GABRB1: variants seen among roughly 807,000 people sequenced by gnomAD.
GABRB1 encodes gamma-aminobutyric acid receptor subunit beta-1.
GABRB1 carries 17 observed loss-of-function variants against 51.6 expected under a neutral mutation model. The observed-to-expected ratio is 0.33, with a 90% confidence interval of 0.23 to 0.49. The LOEUF is 0.49. Ranked by LOEUF, GABRB1 falls within the 20% of genes least tolerant of loss-of-function variation. The pLI is 0.99. For synonymous variants in GABRB1, 247 were observed against 218.9 expected (o/e 1.13, Z -1.14); for missense variants, 410 against 600.6 (o/e 0.68, Z 3.32).
intron 5 of GABRB1, among the ~76,000 whole-genome samples, chr4:47,383,156 A>C (rs1727652598): frequency 6.6e-6 from 1 of 152,238 alleles, no homozygotes; most frequent in Non-Finnish European, 1.5e-5. Context: ...TCTCAAAAGC[A>C]CATAGCCTCC....
At chr4:47,339,541 ATG>A (rs34390361) in intron 5 of GABRB1, among the ~76,000 whole-genome samples, 57,251 of 148,090 alleles carry the variant, frequency 0.39, 10,838 homozygotes, top group East Asian at 0.56. Flanking sequence ...ATGTGTGCAT[ATG>A]TGTGTGTGTG....
chr4:47,027,788 G>A (rs976175832), upstream of GABRB1, among the ~76,000 whole-genome samples: 6 of 151,586 alleles, frequency 4.0e-5, no homozygotes, highest in Non-Finnish European at 7.4e-5. Flanking sequence ...CAATAATGGT[G>A]TTGCTGCCTT....
intron 4 of GABRB1, among the ~76,000 whole-genome samples, chr4:47,264,764 C>T (rs932767064): frequency 6.6e-6 from 1 of 152,188 alleles, no homozygotes; most frequent in Non-Finnish European, 1.5e-5. Flanking sequence ...AGATACAGAA[C>T]TTTTCCATCA....
intron 3 of GABRB1, among the ~76,000 whole-genome samples, chr4:47,092,376 T>C (rs1240717152): frequency 6.6e-6 from 1 of 151,372 alleles, no homozygotes; most frequent in Non-Finnish European, 1.5e-5. Context: ...TTTCACCACA[T>C]TGGCCAGGCT....
intron 5 of GABRB1, among the ~76,000 whole-genome samples, chr4:47,376,579 G>A (rs1053147865): frequency 1.3e-5 from 2 of 152,128 alleles, no homozygotes; most frequent in East Asian, 1.9e-4. Flanking sequence ...CCCGGGAGGC[G>A]GAGCTTGCAG....
chr4:47,248,158 G>C (rs1721837041), intron 4 of GABRB1, among the ~76,000 whole-genome samples: 1 of 151,812 alleles, frequency 6.6e-6, no homozygotes, highest in African/African-American at 2.4e-5. Flanking sequence ...GGGTTTGTCA[G>C]GGATGGCTTT....
chr4:47,002,171 A>T (rs2109429901), intron 1 of GABRB1, among the ~76,000 whole-genome samples: 1 of 152,348 alleles, frequency 6.6e-6, no homozygotes, highest in South Asian at 2.1e-4. Flanking sequence ...CTAGAAAGAA[A>T]ACATTATATA....
chr4:47,318,595 T>C (rs182603039), intron 4 of GABRB1, among the ~76,000 whole-genome samples: 1 of 152,092 alleles, frequency 6.6e-6, no homozygotes. Context: ...TATCCTAGGA[T>C]GAGAGTTCAT....
intron 4 of GABRB1, among the ~76,000 whole-genome samples, chr4:47,252,101 C>G (rs1459733189): frequency 1.3e-5 from 2 of 149,754 alleles, no homozygotes; most frequent in East Asian, 2.0e-4. Context: ...CGCTGCCCCC[C>G]CTCCTACTCC....
chr4:47,311,882 TC>T (rs1180429737), intron 4 of GABRB1, among the ~76,000 whole-genome samples: 3 of 152,098 alleles, frequency 2.0e-5, no homozygotes, highest in African/African-American at 7.2e-5. Context: ...TCCAATGCCC[TC>T]CCCGAGATTG....
At chr4:47,217,375 A>G (rs964141014) in intron 4 of GABRB1, among the ~76,000 whole-genome samples, 4 of 151,898 alleles carry the variant, frequency 2.6e-5, no homozygotes, top group Non-Finnish European at 5.9e-5. Flanking sequence ...ATAGCAATAA[A>G]TAGTATTCAC....
At chr4:47,246,299 T>TATACAC (rs1329276891) in intron 4 of GABRB1, among the ~76,000 whole-genome samples, 3 of 84,170 alleles carry the variant, frequency 3.6e-5, no homozygotes, top group African/African-American at 1.4e-4. Context: ...TATATATATA[T>TATACAC]ACACACACAC....
chr4:47,294,090 T>G (rs1723864571), intron 4 of GABRB1, among the ~76,000 whole-genome samples: 1 of 152,184 alleles, frequency 6.6e-6, no homozygotes, highest in Non-Finnish European at 1.5e-5. Context: ...GTTTAAGTAT[T>G]CTACCTTACT....
chr4:47,195,657 C>T (rs1309466866), intron 4 of GABRB1, among the ~76,000 whole-genome samples: 1 of 152,098 alleles, frequency 6.6e-6, no homozygotes, highest in Non-Finnish European at 1.5e-5. Context: ...GGACTCCAAC[C>T]TCCAGATGCA....
chr4:47,361,547 T>A (rs1023444507), intron 5 of GABRB1, among the ~76,000 whole-genome samples: 4 of 152,034 alleles, frequency 2.6e-5, no homozygotes, highest in Non-Finnish European at 5.9e-5. Flanking sequence ...TACTTTGAAA[T>A]CTGTCACCTG....
chr4:47,272,875 T>G (rs1650178414), intron 4 of GABRB1, among the ~76,000 whole-genome samples: 1 of 152,132 alleles, frequency 6.6e-6, no homozygotes, highest in African/African-American at 2.4e-5. Context: ...AAACCTGAGT[T>G]TAACTTTATG....
At chr4:47,350,617 C>A (rs1161073767) in intron 5 of GABRB1, among the ~76,000 whole-genome samples, 1 of 151,434 alleles carries the variant, frequency 6.6e-6, no homozygotes, top group African/African-American at 2.4e-5. Flanking sequence ...AATATTATAT[C>A]AAGATAGAAA....
At chr4:47,215,935 G>T (rs1311936746) in intron 4 of GABRB1, among the ~76,000 whole-genome samples, 1 of 151,930 alleles carries the variant, frequency 6.6e-6, no homozygotes, top group African/African-American at 2.4e-5. Flanking sequence ...CTTCAAAATA[G>T]CATAAATTAT....
chr4:47,141,739 C>T (rs566452501), intron 3 of GABRB1, among the ~76,000 whole-genome samples: 2 of 152,018 alleles, frequency 1.3e-5, no homozygotes, highest in South Asian at 4.1e-4. Flanking sequence ...TCAGCTTCTT[C>T]TCTAGAGATT....
Sources: gnomAD v4.1 joint callset for allele counts (sites outside exome capture counted in the v4.1 genomes callset) on GRCh38, gnomAD v4.1.1 for gene constraint, MANE v1.5 for transcripts, NCBI Gene and HGNC (gene_info 2026-07-23, HGNC 2026-07-21) for gene names.